Variants in CSNK1G3 observed in about 807,000 individuals in gnomAD.
CSNK1G3 encodes the protein casein kinase 1 gamma 3, also known as casein kinase I isoform gamma-3.
A neutral mutation model predicts 64.3 loss-of-function variants in CSNK1G3; 23 were observed. The ratio of observed to expected loss-of-function variants is 0.36; its 90% CI spans 0.26 to 0.51. The LOEUF (loss-of-function observed/expected upper bound fraction) is 0.51. Ranked by LOEUF, CSNK1G3 falls within the 20% of genes least tolerant of loss-of-function variation. The pLI, the probability that CSNK1G3 is intolerant of heterozygous loss-of-function variation, is 0.96. For synonymous variants in CSNK1G3, 158 were observed against 162.2 expected (o/e 0.97, Z 0.20); for missense variants, 357 against 510.5 (o/e 0.70, Z 2.90).
intron 4 of CSNK1G3, among the ~76,000 whole-genome samples, chr5:123,565,646 G>T (rs1479199789): frequency 2.0e-5 from 3 of 152,180 alleles, no homozygotes. Flanking sequence ...AAGAAAAGAG[G>T]TTTAGTTGGC....
chr5:123,613,898 A>G (rs12657511), intron 12 of CSNK1G3, among the ~76,000 whole-genome samples: 10,402 of 152,184 alleles, frequency 0.068, 478 homozygotes, highest in South Asian at 0.12. Flanking sequence ...CTTTTTTAAT[A>G]TGATGGAAAA....
chr5:123,525,902 G>A (rs1272263891), intron 1 of CSNK1G3, among the ~76,000 whole-genome samples: 1 of 151,498 alleles, frequency 6.6e-6, no homozygotes, highest in Non-Finnish European at 1.5e-5. Flanking sequence ...GGAAGCTGAG[G>A]CAGGAGAACG....
intron 4 of CSNK1G3, among the ~76,000 whole-genome samples, chr5:123,558,482 C>T (rs1785047142): frequency 1.3e-5 from 2 of 152,022 alleles, no homozygotes. Context: ...TTTGTTTCTC[C>T]AGATTTAATA....
At chr5:123,554,875 C>T (rs1454377158) in intron 3 of CSNK1G3, among the ~76,000 whole-genome samples, 1 of 152,152 alleles carries the variant, frequency 6.6e-6, no homozygotes. Flanking sequence ...CGTGTCAAAG[C>T]AGAAACCCCT....
chr5:123,592,811 C>G (rs939407838), intron 10 of CSNK1G3, among the ~76,000 whole-genome samples: 2 of 151,502 alleles, frequency 1.3e-5, no homozygotes, highest in African/African-American at 2.4e-5. Context: ...AAAATTGGTA[C>G]TATAAAGCAT....
chr5:123,512,817 G>C (rs1322228100), intron 1 of CSNK1G3, among the ~76,000 whole-genome samples: 1 of 151,802 alleles, frequency 6.6e-6, no homozygotes, highest in African/African-American at 2.4e-5. Context: ...CTAGGGGGCA[G>C]CGGGGGCCGC....
intron 8 of CSNK1G3, 129 bp downstream of exon 8, chr5:123,588,640 G>C (rs889795050): frequency 3.0e-6 from 2 of 672,418 alleles, no homozygotes; most frequent in Non-Finnish European, 5.1e-6. Flanking sequence ...TTTAAAGGTT[G>C]TCAGCATTTG....
chr5:123,518,179 G>A (rs568059726), intron 1 of CSNK1G3, among the ~76,000 whole-genome samples: 4 of 152,150 alleles, frequency 2.6e-5, no homozygotes, highest in Non-Finnish European at 5.9e-5. Flanking sequence ...TTTGAAGGAG[G>A]AAATGTGACA....
chr5:123,529,409 T>G (rs1254282315), intron 1 of CSNK1G3, among the ~76,000 whole-genome samples: 1 of 152,172 alleles, frequency 6.6e-6, no homozygotes, highest in African/African-American at 2.4e-5. Flanking sequence ...AGAACATTCT[T>G]TTAAATCAGT....
In CSNK1G3 at chr5:123,545,338, C is replaced by G. The variant is rs548925009; in HGVS notation, c.-247-79C>G. ...TAGATAGCAGTAATTCTTGCCTAAG[C>G]TTTTGTTATGTTATCTAATTTCCCA... On this transcript the variant is annotated intron_variant, in intron 1 of 12. Coordinates refer to ENST00000345990, the Ensembl canonical transcript of CSNK1G3. 1.6e-5 allele frequency: 3 copies of G among 185,124 alleles called. No homozygotes were observed. In the Admixed American group the frequency reaches 1.7e-4, roughly 11 times the overall value. 11.5% of individuals were successfully genotyped at this position (185,124 alleles called of 1,614,324 possible).
intron 2 of CSNK1G3, 27 bp downstream of exon 2, chr5:123,545,868 T>C: frequency 6.5e-7 from 1 of 1,540,430 alleles, no homozygotes; most frequent in Non-Finnish European, 8.9e-7. Context: ...TATTCCATTA[T>C]GTTAGAAACA....
At chr5:123,576,350 A>G (rs2150744056) in intron 6 of CSNK1G3, among the ~76,000 whole-genome samples, 1 of 152,318 alleles carries the variant, frequency 6.6e-6, no homozygotes, top group African/African-American at 2.4e-5. Flanking sequence ...ATGGCTAGCC[A>G]CAGAAATAGC....
In CSNK1G3 at chr5:123,604,637, T is replaced by G. The variant is rs1795032846; in HGVS notation, c.1087-87T>G. 1.3e-5 allele frequency: 8 copies of G among 625,616 alleles called. No homozygotes were observed. The East Asian group carries it at 2.4e-4, about 19-fold the overall frequency. The allele number at this position is 625,616 out of a possible 1,614,324, so 38.8% of individuals were successfully genotyped here. On this transcript the variant is annotated intron_variant, in intron 10 of 12. Coordinates refer to ENST00000345990, the Ensembl canonical transcript of CSNK1G3. ...TGAAATACTTTAACAATTATGTTTA[T>G]CCTTGTATAACCTATTTAATATGTA...
At chr5:123,568,228 T>C (rs947565321) in intron 4 of CSNK1G3, among the ~76,000 whole-genome samples, 2 of 152,170 alleles carry the variant, frequency 1.3e-5, no homozygotes, top group African/African-American at 4.8e-5. Flanking sequence ...TTCTCAGATG[T>C]AATGGTTTCG....
chr5:123,570,346 CTTTTTTTTTTT>C (rs370362447), intron 4 of CSNK1G3, among the ~76,000 whole-genome samples: 1 of 130,550 alleles, frequency 7.7e-6, no homozygotes, highest in African/African-American at 2.9e-5. Context: ...ACAGTCCTTT[CTTTTTTTTTTT>C]TTTTTTTTCT....
intron 12 of CSNK1G3, among the ~76,000 whole-genome samples, chr5:123,608,709 A>G (rs1795791141): frequency 6.6e-6 from 1 of 152,044 alleles, no homozygotes; most frequent in Non-Finnish European, 1.5e-5. Flanking sequence ...CATTATAGTC[A>G]CCTAGGGAGT....
intron 5 of CSNK1G3, among the ~76,000 whole-genome samples, chr5:123,573,916 C>G (rs979966162): frequency 2.7e-5 from 4 of 148,222 alleles, no homozygotes; most frequent in African/African-American, 1.0e-4. Context: ...GTGGCGAGAT[C>G]TTGGCTCACT....
intron 10 of CSNK1G3, among the ~76,000 whole-genome samples, chr5:123,596,346 A>C (rs1793439490): frequency 6.6e-6 from 1 of 152,112 alleles, no homozygotes. Context: ...AGAAAAGCTA[A>C]TTCAGCAAAT....
chr5:123,571,078 T>C (rs1194692463), intron 4 of CSNK1G3, among the ~76,000 whole-genome samples: 1 of 152,012 alleles, frequency 6.6e-6, no homozygotes, highest in Non-Finnish European at 1.5e-5. Context: ...CATCTAAGAG[T>C]GGCTGTGGTA....
Sources: gnomAD v4.1 joint callset for allele counts (sites outside exome capture counted in the v4.1 genomes callset) on GRCh38, gnomAD v4.1.1 for gene constraint, MANE v1.5 for transcripts, NCBI Gene and HGNC (gene_info 2026-07-23, HGNC 2026-07-21) for gene names.